The following RAC1 variants were observed in gnomAD, a reference collection of about 807,000 sequenced individuals.
RAC1 encodes the protein Rac family small GTPase 1.
A neutral mutation model predicts 25.2 loss-of-function variants in RAC1; 2 were observed. The ratio of observed to expected loss-of-function variants is 0.08; its 90% confidence interval spans 0.03 to 0.25. RAC1 has a LOEUF of 0.25. Among genes scored for constraint, RAC1 ranks in the 10% least tolerant of loss-of-function variants. RAC1 has a pLI of 1.00. For synonymous variants in RAC1, 88 were observed against 94.0 expected (o/e 0.94, Z 0.37); for missense variants, 50 against 235.7 (o/e 0.21, Z 5.16).
At chr7:6,398,848 G>A in intron 3 of RAC1, 1 of 871,414 alleles carries the variant, frequency 1.1e-6, no homozygotes, top group Non-Finnish European at 1.8e-6. Context: ...TCAAGGTTGG[G>A]GTTTTGCTTG....
Position 6,403,566 on chromosome 7 carries a change from G to A in RAC1, c.*1120G>A, listed in dbSNP as rs1783480818. The A allele has an allele frequency of 4.6e-6, 1 of 218,312 alleles. No individual in the cohort carries two copies. The highest frequency in any genetic ancestry group is 9.2e-6 in the Non-Finnish European group (1 of 108,508). 13.5% of individuals were successfully genotyped at this position (218,312 alleles called of 1,614,324 possible). ...GCTTTCCTTAGTTTTCTAGTAACTA[G>A]GTGTAAAAATCATGTGTTGCAGCTT... On this transcript the variant is annotated 3_prime_UTR_variant, in exon 6 of 6. Transcript: ENST00000348035.
Position 6,374,704 on chromosome 7 carries a change from C to A in RAC1, c.-32C>A, listed in dbSNP as rs545036179. 9.5e-6 allele frequency: 10 copies of A among 1,051,562 alleles called. No homozygotes were observed. In the African/African-American group the frequency reaches 1.4e-4, roughly 14 times the overall value. The allele number at this position is 1,051,562 out of a possible 1,614,324, so 65.1% of individuals were successfully genotyped here. On this transcript the variant is annotated 5_prime_UTR_variant, in exon 1 of 6. Coordinates refer to ENST00000348035, the MANE Select transcript of RAC1 (RefSeq NM_006908.5). ...CGCCGCTTCCTATCTCAGCGCCCTG[C>A]CGCCGCCGCCGCGGCCCAGCGAGCG...
intron 2 of RAC1, among the ~76,000 whole-genome samples, chr7:6,389,894 A>G (rs1057095542): frequency 6.6e-6 from 1 of 151,744 alleles, no homozygotes; most frequent in African/African-American, 2.4e-5. Context: ...GTATTTTTCT[A>G]CTGAAATTTT....
At chr7:6,397,029 TCAAAAA>T (rs1783256555) in intron 3 of RAC1, among the ~76,000 whole-genome samples, 1 of 74,510 alleles carries the variant, frequency 1.3e-5, no homozygotes, top group African/African-American at 6.0e-5. Flanking sequence ...AGACTCCCTC[TCAAAAA>T]CAAAAAAAAA....
chr7:6,378,716 C>A (rs1341804777), intron 1 of RAC1, among the ~76,000 whole-genome samples: 1 of 151,696 alleles, frequency 6.6e-6, no homozygotes, highest in Non-Finnish European at 1.5e-5. Context: ...TTTTTTTCCT[C>A]CACCTTACTG....
chr7:6,397,593 A>C (rs898282650), intron 3 of RAC1, among the ~76,000 whole-genome samples: 8 of 152,214 alleles, frequency 5.3e-5, no homozygotes, highest in Non-Finnish European at 1.0e-4. Flanking sequence ...TTCTTAAAAG[A>C]GTTCCAGGGT....
chr7:6,382,232 T>C (rs775350352), intron 1 of RAC1, among the ~76,000 whole-genome samples: 7 of 152,118 alleles, frequency 4.6e-5, no homozygotes. Flanking sequence ...TGGCCTGAAG[T>C]GATCCACCCG....
chr7:6,375,759 C>T (rs902693233), intron 1 of RAC1: 1 of 151,790 alleles, frequency 6.6e-6, no homozygotes, highest in African/African-American at 2.4e-5. Flanking sequence ...GCAGAACTGG[C>T]CCCCTGTGAC....
intron 2 of RAC1, among the ~76,000 whole-genome samples, chr7:6,389,953 CCCTCCCTT>C (rs34323182): frequency 0.059 from 8,259 of 139,042 alleles, 773 homozygotes; most frequent in East Asian, 0.48. Flanking sequence ...CTCCCTCTCT[CCCTCCCTT>C]CCTCCCTTCC....
At chr7:6,392,573 A>G (rs1177166357) in intron 3 of RAC1, among the ~76,000 whole-genome samples, 2 of 152,126 alleles carry the variant, frequency 1.3e-5, no homozygotes, top group African/African-American at 2.4e-5. Context: ...GTCTAATCAG[A>G]AAAAAAAGTT....
intron 1 of RAC1, among the ~76,000 whole-genome samples, chr7:6,376,506 CTT>C (rs1315630129): frequency 4.8e-5 from 4 of 82,982 alleles, no homozygotes; most frequent in African/African-American, 5.4e-5. Context: ...TTTTTCTTTT[CTT>C]TTTTTTTTTT....
At chr7:6,399,956 T>G in intron 3 of RAC1, 170 bp from the exon 4 acceptor site, 1 of 621,082 alleles carries the variant, frequency 1.6e-6, no homozygotes, top group Non-Finnish European at 2.9e-6. Context: ...CTGGGTTTGG[T>G]TTGGGAGCCC....
Position 6,374,720 on chromosome 7 carries a change from C to T in RAC1, c.-16C>T, listed in dbSNP as rs1322994480. On this transcript the variant is annotated 5_prime_UTR_variant, in exon 1 of 6. Transcript: ENST00000348035. Reference sequence around the variant, plus strand: ...AGCGCCCTGCCGCCGCCGCCGCGGCCCAGCGAGCGGCCCTGATGCAGGCCA... The same window carrying T: ...AGCGCCCTGCCGCCGCCGCCGCGGCTCAGCGAGCGGCCCTGATGCAGGCCA... 6.3e-6 allele frequency: 7 copies of T among 1,108,350 alleles called. No individual in the cohort carries two copies. The highest frequency in any genetic ancestry group is 6.6e-6 in the Non-Finnish European group (6 of 904,602). 68.7% of individuals were successfully genotyped at this position (1,108,350 alleles called of 1,614,324 possible).
At chr7:6,389,023 A>T (rs1326425389) in intron 2 of RAC1, among the ~76,000 whole-genome samples, 2 of 151,926 alleles carry the variant, frequency 1.3e-5, no homozygotes, top group Non-Finnish European at 2.9e-5. Context: ...CAACATGTTA[A>T]AACCCCCACC....
chr7:6,378,407 G>C (rs1026570541), intron 1 of RAC1, among the ~76,000 whole-genome samples: 1 of 151,956 alleles, frequency 6.6e-6, no homozygotes, highest in African/African-American at 2.4e-5. Context: ...TTAGCCGGGC[G>C]TGGTGGTGGG....
chr7:6,376,422 G>A (rs1056480853), intron 1 of RAC1, among the ~76,000 whole-genome samples: 2 of 151,230 alleles, frequency 1.3e-5, no homozygotes, highest in African/African-American at 2.4e-5. Context: ...GACCTCAGGT[G>A]ATCCACCCGC....
chr7:6,379,855 TCTC>T lies in RAC1; in HGVS notation c.35+5088_35+5090del, dbSNP rs557039348. Among the ~76,000 whole-genome samples the T allele has an allele frequency of 2.2e-3, 340 of 152,218 alleles. 1 individual carries two copies. Among genetic ancestry groups the T allele is most frequent in the Non-Finnish European group, 3.2e-3 (218 of 68,016 alleles). On this transcript the variant is annotated intron_variant, in intron 1 of 5. Transcript: ENST00000348035. The stretch of plus-strand genomic sequence containing the variant: ...CCTCTGCCTCCTGGGTTCAAGCAGT[TCTC>T]CTGCTTTGGCCTCCCAAAGTGATGG...
intron 1 of RAC1, among the ~76,000 whole-genome samples, chr7:6,383,780 T>A (rs1331595681): frequency 1.6e-4 from 22 of 138,048 alleles, no homozygotes; most frequent in Non-Finnish European, 4.6e-5. Flanking sequence ...TACACAACCT[T>A]TATCTTTTTT....
intron 1 of RAC1, among the ~76,000 whole-genome samples, chr7:6,385,488 C>A (rs1295104170): frequency 6.6e-6 from 1 of 152,296 alleles, no homozygotes; most frequent in South Asian, 2.1e-4. Context: ...GACTCCAAAG[C>A]TTAGGCTCCT....
Sources: allele counts gnomAD v4.1 joint callset (sites outside exome capture counted in the v4.1 genomes callset), GRCh38; gene constraint gnomAD v4.1.1; transcripts MANE v1.5; gene names NCBI Gene and HGNC (gene_info 2026-07-23, HGNC 2026-07-21).